SERINC3: variants seen among roughly 807,000 people sequenced by gnomAD.
The protein encoded by SERINC3 is serine incorporator 3, also known as tumor differentially expressed protein 1.
Under a neutral mutation model 52.1 loss-of-function variants are expected in SERINC3, and 22 were observed. The observed-to-expected ratio is 0.42, with a 90% CI of 0.30 to 0.60. The LOEUF is 0.60. Ranked by LOEUF, SERINC3 falls within the 20% of genes least tolerant of loss-of-function variation. The pLI, the probability that SERINC3 is intolerant of heterozygous loss-of-function variation, is 0.16. For synonymous variants in SERINC3, 226 were observed against 212.7 expected (o/e 1.06, Z -0.54); for missense variants, 564 against 584.6 (o/e 0.96, Z 0.36).
intron 1 of SERINC3, 149 bp downstream of exon 1, chr20:44,521,764 G>A (rs2064418530): frequency 5.5e-6 from 4 of 732,306 alleles, no homozygotes; most frequent in Non-Finnish European, 9.3e-6. Flanking sequence ...GGGTATCGCG[G>A]ATTTGCGTCT....
intron 1 of SERINC3, 119 bp from the exon 2 acceptor site, chr20:44,514,159 T>C (rs1416297005): frequency 2.0e-5 from 22 of 1,103,488 alleles, no homozygotes; most frequent in Admixed American, 3.2e-5. Context: ...CAGAGAATCA[T>C]GGCTGGGAGG....
chr20:44,505,057 A>AT (rs1450802302), intron 6 of SERINC3, among the ~76,000 whole-genome samples, 166 bp from the exon 7 acceptor site: 1 of 152,206 alleles, frequency 6.6e-6, no homozygotes, highest in Non-Finnish European at 1.5e-5. Flanking sequence ...TTAGCTCGCA[A>AT]AAGAACCCAG....
In SERINC3 at chr20:44,501,117, G is replaced by A; in HGVS notation, c.1239C>T (p.Cys413=). Residue 413 remains cysteine (C), a synonymous_variant, in exon 9 of 10, where the codon TGC becomes TGT. Transcript: ENST00000342374. The part of the protein sequence containing the change: ...YSYSLFHLML[C]LASLYIMMTL... ...TCATCATGATGTACAAGGAAGCCAA[G>A]CAGAGCATGAGGTGGAATAAGGAGT... is the stretch of plus-strand genomic sequence containing the variant. The A allele has an allele frequency of 6.2e-7, 1 of 1,614,090 alleles. No individual in the cohort carries two copies. Among genetic ancestry groups the A allele is most frequent in the Non-Finnish European group, 8.5e-7 (1 of 1,180,010 alleles).
Position 44,512,817 on chromosome 20 carries a change from C to A in SERINC3, c.379G>T (p.Ala127Ser). The stretch of plus-strand genomic sequence containing the variant: ...CTAACATACCCATTGTGTACTGCCG[C>A]TCGGAGATCTTTACTTGTTTTTACT... ...FKVKTSKDLRAAVHNGFWFFK... is the reference protein window; with the variant it reads ...FKVKTSKDLRSAVHNGFWFFK... Residue 127 changes from alanine to serine, a missense_variant, in exon 3 of 10, where the codon GCG (alanine) becomes TCG (serine). Physicochemically the swap from Ala to Ser is moderately conservative, Grantham distance 99. Coordinates refer to ENST00000342374, the MANE Select transcript of SERINC3 (RefSeq NM_006811.4). 1.1e-5 allele frequency: 18 copies of A among 1,575,854 alleles called. No homozygotes were observed. Among genetic ancestry groups the A allele is most frequent in the Non-Finnish European group, 1.5e-5 (17 of 1,168,302 alleles).
chr20:44,514,079 A>G (rs41303901), intron 1 of SERINC3, 39 bp from the exon 2 acceptor site: 61,944 of 1,591,318 alleles, frequency 0.039, 1,398 homozygotes, highest in African/African-American at 0.084. Flanking sequence ...GACCGCCTTC[A>G]GTATACTCCT....
chr20:44,521,160 G>C (rs1191435039), intron 1 of SERINC3, among the ~76,000 whole-genome samples: 1 of 152,226 alleles, frequency 6.6e-6, no homozygotes, highest in Non-Finnish European at 1.5e-5. Flanking sequence ...TACACACTTG[G>C]TCAATTAAAT....
In SERINC3 at chr20:44,503,975, G is replaced by T. The variant is rs568838007; in HGVS notation, c.895C>A (p.Leu299Met). 6.3e-7 allele frequency: 1 copy of T among 1,584,250 alleles called. No individual in the cohort carries two copies. The highest frequency in any genetic ancestry group is 1.2e-5 in the South Asian group (1 of 83,814). ...GTTATGCGTGTAATAAAGCTCATCA[G>T]GTTGGGATTGCAGGAACGATCTGAA... ...NEPDRSCNPN[L>M]MSFITRITAP... The change falls in exon 8 of 10, where the codon CTG becomes ATG. Residue 299 changes from leucine to methionine, a missense_variant. Physicochemically the swap from Leu to Met is conservative, Grantham distance 15. Coordinates refer to ENST00000342374, the MANE Select transcript of SERINC3 (RefSeq NM_006811.4).
chr20:44,514,483 GGCGTGGTGGCTCAC>G (rs778415954), intron 1 of SERINC3, among the ~76,000 whole-genome samples: 1 of 152,230 alleles, frequency 6.6e-6, no homozygotes, highest in Non-Finnish European at 1.5e-5. Flanking sequence ...CAACATGCCG[GGCGTGGTGGCTCAC>G]GCCTGTAATC....
At chr20:44,503,316 A>G (rs1320235843) in intron 8 of SERINC3, among the ~76,000 whole-genome samples, 1 of 152,230 alleles carries the variant, frequency 6.6e-6, no homozygotes, top group African/African-American at 2.4e-5. Flanking sequence ...CAATTTTGAA[A>G]AAGAACAAAT....
intron 5 of SERINC3, among the ~76,000 whole-genome samples, chr20:44,507,381 C>T (rs898815573): frequency 1.3e-5 from 2 of 152,156 alleles, no homozygotes; most frequent in Non-Finnish European, 2.9e-5. Flanking sequence ...AGCTCCATGC[C>T]AGGATGGTGT....
Position 44,513,935 on chromosome 20 carries a change from T to C in SERINC3, c.145A>G (p.Ser49Gly). The C allele has an allele frequency of 6.2e-7, 1 of 1,614,182 alleles. No individual in the cohort carries two copies. Among genetic ancestry groups the C allele is most frequent in the Non-Finnish European group, 8.5e-7 (1 of 1,180,024 alleles). The change falls in exon 2 of 10, where the codon AGC (serine) becomes GGC (glycine). Residue 49 changes from serine to glycine, a missense_variant. Transcript: ENST00000342374. The part of the protein sequence containing the change: ...RLIYAFILLL[S>G]TVVSYIMQRK... Reference sequence around the variant, plus strand: ...TGCATGATATAGGATACGACAGTGCTCAGGAGGAGAATGAAAGCATAAATG... The same window carrying C: ...TGCATGATATAGGATACGACAGTGCCCAGGAGGAGAATGAAAGCATAAATG...
chr20:44,517,261 T>C (rs1375051242), intron 1 of SERINC3, among the ~76,000 whole-genome samples: 3 of 152,200 alleles, frequency 2.0e-5, no homozygotes, highest in Non-Finnish European at 4.4e-5. Flanking sequence ...GTAATTGCAA[T>C]AGCAATGGGA....
At position 44,499,898 on chromosome 20, in the gene SERINC3, CA is replaced by C. The variant is rs57945134; in HGVS notation, c.*397del. On this transcript the variant is annotated 3_prime_UTR_variant, in exon 10 of 10. Coordinates refer to ENST00000342374, the MANE Select transcript of SERINC3 (RefSeq NM_006811.4). ...ATAGAGGAAAACTGTAATATAAATGCATTTTTTTTTTTTTGCTTTTAAAGGA... is the reference window on the plus strand; with the variant it reads ...ATAGAGGAAAACTGTAATATAAATGCTTTTTTTTTTTTTGCTTTTAAAGGA... The C allele has an allele frequency of 0.077, 11,238 of 146,044 alleles. 433 individuals carry two copies. The highest frequency in any genetic ancestry group is 0.15 in the South Asian group (702 of 4,644). 9.0% of individuals were successfully genotyped at this position (146,044 alleles called of 1,614,324 possible).
chr20:44,514,002 AC>A lies in SERINC3; in HGVS notation c.77del (p.Cys26LeufsTer12). The A allele has an allele frequency of 2.5e-6, 4 of 1,614,148 alleles. No homozygotes were observed. The highest frequency in any genetic ancestry group is 3.4e-6 in the Non-Finnish European group (4 of 1,180,006). The stretch of plus-strand genomic sequence containing the variant: ...AATTCTTACTGTTAGGACAGCAACT[AC>A]ACAGCAAACATGAGGCACCGCTGCA... ...CLCSGASCLLCSCCPNSKNST... is the reference protein window; with the variant it reads ...CLCSGASCLLXSCCPNSKNST... On this transcript the variant is annotated frameshift_variant, in exon 2 of 10. Transcript: ENST00000342374. LOFTEE classifies it high-confidence loss of function.
chr20:44,511,872 A>G (rs2064349745), intron 3 of SERINC3, among the ~76,000 whole-genome samples: 1 of 152,384 alleles, frequency 6.6e-6, no homozygotes, highest in East Asian at 1.9e-4. Flanking sequence ...GGAGCTGGAC[A>G]GATCTAAGTT....
At chr20:44,513,472 T>C (rs529813662) in intron 2 of SERINC3, among the ~76,000 whole-genome samples, 22 of 152,044 alleles carry the variant, frequency 1.4e-4, no homozygotes, top group Non-Finnish European at 2.1e-4. Context: ...GGCAACAGAG[T>C]GAGTCTTAGT....
At position 44,500,444 on chromosome 20, in the gene SERINC3, CAAGA is replaced by C; in HGVS notation, c.1284-14_1284-11del. 1 of 1,557,026 alleles carries C rather than the reference CAAGA, an allele frequency of 6.4e-7. No individual in the cohort carries two copies. The highest frequency in any genetic ancestry group is 1.4e-5 in the African/African-American group (1 of 73,668). On this transcript the variant is annotated splice_polypyrimidine_tract_variant and intron_variant, in intron 9 of 9. Transcript: ENST00000342374. Reference sequence around the variant, plus strand: ...AAACTTTGCATCAGGGCTAAGAAAACAAGAGAGAGTCAGGTAGAAAAGCCTGGTC... The same window carrying C: ...AAACTTTGCATCAGGGCTAAGAAAACGAGAGTCAGGTAGAAAAGCCTGGTC...
rs2064265351 is a variant in SERINC3 at position 44,499,261 on chromosome 20, G to A, written c.*1035C>T. On this transcript the variant is annotated 3_prime_UTR_variant, in exon 10 of 10. Coordinates refer to ENST00000342374, the MANE Select transcript of SERINC3 (RefSeq NM_006811.4). ...TTGCACACCACCTCTCATGAAAATG[G>A]TTCTTGACAATGCCTTCCGTCTCTC... 1 of 152,296 alleles carries A rather than the reference G, an allele frequency of 6.6e-6. No homozygotes were observed. Among genetic ancestry groups the A allele is most frequent in the Non-Finnish European group, 1.5e-5 (1 of 68,040 alleles). 9.4% of individuals were successfully genotyped at this position (152,296 alleles called of 1,614,324 possible).
rs1236406839 is a variant in SERINC3 at position 44,521,958 on chromosome 20, G to A, written c.-7C>T. On this transcript the variant is annotated 5_prime_UTR_variant, in exon 1 of 10. Transcript: ENST00000342374. The stretch of plus-strand genomic sequence containing the variant: ...CACCCAGCACAGCCCCCATGGTGAC[G>A]CCAGTGATGGAGGTGGCCGGTCCTG... 1 of 1,609,872 alleles carries A rather than the reference G, an allele frequency of 6.2e-7. No individual in the cohort carries two copies. Among genetic ancestry groups the A allele is most frequent in the Non-Finnish European group, 8.5e-7 (1 of 1,178,178 alleles).
Sources: allele counts gnomAD v4.1 joint callset (sites outside exome capture counted in the v4.1 genomes callset), GRCh38; gene constraint gnomAD v4.1.1; transcripts MANE v1.5; gene names NCBI Gene and HGNC (gene_info 2026-07-23, HGNC 2026-07-21).